The following GLG1 variants were observed in gnomAD, a reference collection of about 807,000 sequenced individuals.
The protein encoded by GLG1 is Golgi apparatus protein 1.
In GLG1, 38 loss-of-function variants were observed where a neutral mutation model predicts 160.5. The observed-to-expected ratio is 0.24, with a 90% confidence interval of 0.18 to 0.31. GLG1 has a LOEUF of 0.31. Ranked by LOEUF, GLG1 falls within the 10% of genes least tolerant of loss-of-function variation. The pLI, the probability that GLG1 is intolerant of heterozygous loss-of-function variation, is 1.00. For missense variants in GLG1, 1,373 were observed against 1,505.2 expected (o/e 0.91, Z 1.45); for synonymous variants, 644 against 543.4 (o/e 1.19, Z -2.57).
chr16:74,452,263 T>G lies in GLG1; in HGVS notation c.*904A>C. The G allele has an allele frequency of 6.7e-7, 1 of 1,490,592 alleles. No individual in the cohort carries two copies. Among genetic ancestry groups the G allele is most frequent in the East Asian group, 2.5e-5 (1 of 40,194 alleles). The allele number at this position is 1,490,592 out of a possible 1,614,324, so 92.3% of individuals were successfully genotyped here. On this transcript the variant is annotated 3_prime_UTR_variant, in exon 26 of 26. Transcript: ENST00000422840. ...TGAAGCGCAGAGCTTCCAGAGTGAC[T>G]GTAGCCTCAGCAGGGCCGGTCCAGA...
intron 1 of GLG1, among the ~76,000 whole-genome samples, chr16:74,579,651 G>A (rs1957894416): frequency 6.6e-6 from 1 of 151,916 alleles, no homozygotes; most frequent in Non-Finnish European, 1.5e-5. Context: ...GAACCAGGGA[G>A]GCGGAGGTTG....
At chr16:74,605,189 C>G (rs1005675292) in intron 1 of GLG1, among the ~76,000 whole-genome samples, 5 of 151,224 alleles carry the variant, frequency 3.3e-5, no homozygotes, top group Non-Finnish European at 7.4e-5. Context: ...CACCTCCCCC[C>G]AACCCCCCAA....
chr16:74,588,269 A>G (rs1045438546), intron 1 of GLG1, among the ~76,000 whole-genome samples: 7 of 152,184 alleles, frequency 4.6e-5, no homozygotes. Flanking sequence ...TTAAATAAAA[A>G]TGGTAGGGGC....
intron 25 of GLG1, among the ~76,000 whole-genome samples, chr16:74,454,139 C>G (rs895863265): frequency 2.0e-5 from 3 of 151,882 alleles, no homozygotes; most frequent in Non-Finnish European, 4.4e-5. Context: ...TCCCAAAGTG[C>G]TGGGATTACA....
chr16:74,578,782 C>A (rs1957869583), intron 1 of GLG1, among the ~76,000 whole-genome samples: 1 of 152,192 alleles, frequency 6.6e-6, no homozygotes. Flanking sequence ...TTTTTAAAAT[C>A]TTCCCCAATA....
chr16:74,575,105 G>A (rs1023669519), intron 1 of GLG1, among the ~76,000 whole-genome samples: 2 of 144,662 alleles, frequency 1.4e-5, no homozygotes, highest in African/African-American at 2.6e-5. Flanking sequence ...AAATTAGCTG[G>A]GCATGATGGT....
chr16:74,515,814 C>G (rs2016960202), intron 2 of GLG1, among the ~76,000 whole-genome samples: 1 of 151,552 alleles, frequency 6.6e-6, no homozygotes, highest in African/African-American at 2.4e-5. Context: ...CTCTCACGTG[C>G]AGAGACACAC....
chr16:74,605,966 C>T (rs780139243), intron 1 of GLG1, among the ~76,000 whole-genome samples: 1 of 152,096 alleles, frequency 6.6e-6, no homozygotes, highest in Non-Finnish European at 1.5e-5. Flanking sequence ...CACCAAGCAA[C>T]GACAAATGTA....
chr16:74,529,029 C>G (rs775897872), intron 2 of GLG1, among the ~76,000 whole-genome samples: 1 of 148,346 alleles, frequency 6.7e-6, no homozygotes, highest in African/African-American at 2.5e-5. Context: ...TGCAGTGGTA[C>G]GATAGTGGTT....
At chr16:74,602,247 C>T (rs890423515) in intron 1 of GLG1, among the ~76,000 whole-genome samples, 10 of 152,028 alleles carry the variant, frequency 6.6e-5, no homozygotes, top group Admixed American at 1.3e-4. Flanking sequence ...AGCATGGCTA[C>T]AAATTTATAA....
chr16:74,578,830 C>T (rs1174464059), intron 1 of GLG1, among the ~76,000 whole-genome samples: 1 of 152,170 alleles, frequency 6.6e-6, no homozygotes, highest in Non-Finnish European at 1.5e-5. Context: ...TCTGTGAAAA[C>T]AAGATTTAGG....
rs2016064011 is a variant in GLG1 at position 74,493,148 on chromosome 16, A to T, written c.1051-8T>A. On this transcript the variant is annotated splice_polypyrimidine_tract_variant and splice_region_variant and intron_variant, in intron 6 of 25. Transcript: ENST00000422840. ...TGTAAGTGCTTCTCGACACTGAGGA[A>T]AGAGTACAGCAACAGCCGTGAGACC... The T allele has an allele frequency of 4.4e-6, 7 of 1,603,306 alleles. No individual in the cohort carries two copies. Among genetic ancestry groups the T allele is most frequent in the Non-Finnish European group, 6.0e-6 (7 of 1,172,768 alleles).
chr16:74,579,302 G>C (rs1234950037), intron 1 of GLG1, among the ~76,000 whole-genome samples: 1 of 152,082 alleles, frequency 6.6e-6, no homozygotes, highest in Non-Finnish European at 1.5e-5. Context: ...CCAGCTCCTG[G>C]GGTGGTGGAG....
intron 1 of GLG1, among the ~76,000 whole-genome samples, chr16:74,557,808 A>G: frequency 6.6e-6 from 1 of 151,336 alleles, no homozygotes; most frequent in Middle Eastern, 3.4e-3. Flanking sequence ...CTGGTCTTCA[A>G]CTCCTGGGTT....
chr16:74,592,443 A>G (rs1958206783), intron 1 of GLG1, among the ~76,000 whole-genome samples: 1 of 152,086 alleles, frequency 6.6e-6, no homozygotes, highest in South Asian at 2.1e-4. Flanking sequence ...GTTTATATAA[A>G]TGTTCTTGAC....
chr16:74,498,654 C>G (rs1202164144), intron 4 of GLG1, among the ~76,000 whole-genome samples: 1 of 148,786 alleles, frequency 6.7e-6, no homozygotes, highest in South Asian at 2.1e-4. Context: ...CATCTGAGGT[C>G]AGGAGTTCGA....
intron 3 of GLG1, among the ~76,000 whole-genome samples, chr16:74,507,916 T>A (rs1303061296): frequency 1.3e-5 from 2 of 152,162 alleles, no homozygotes; most frequent in African/African-American, 4.8e-5. Flanking sequence ...GAGTTTGAGA[T>A]GTAGAATATT....
At chr16:74,519,339 TG>T (rs1231026054) in intron 2 of GLG1, among the ~76,000 whole-genome samples, 13 of 92,868 alleles carry the variant, frequency 1.4e-4, no homozygotes, top group Admixed American at 1.4e-3. Context: ...CTTTTGGGGG[TG>T]GGGGGCTAGG....
chr16:74,502,731 T>G (rs982420095), intron 4 of GLG1, among the ~76,000 whole-genome samples: 7 of 141,490 alleles, frequency 4.9e-5, no homozygotes, highest in Non-Finnish European at 9.5e-5. Flanking sequence ...GGTTTTTTTT[T>G]TTTTTTTTTT....
Sources: allele counts gnomAD v4.1 joint callset (sites outside exome capture counted in the v4.1 genomes callset), GRCh38; gene constraint gnomAD v4.1.1; transcripts MANE v1.5; gene names NCBI Gene and HGNC (gene_info 2026-07-23, HGNC 2026-07-21).